CCNYL1: variants seen among roughly 807,000 people sequenced by gnomAD.
CCNYL1 encodes cyclin Y like 1, also known as cyclin-Y-like protein 1.
CCNYL1 carries 16 observed loss-of-function variants against 44.2 expected under a neutral mutation model. The observed-to-expected ratio is 0.36, with a 90% confidence interval of 0.25 to 0.55. CCNYL1 has a LOEUF of 0.55. CCNYL1 is among the 20% of genes least tolerant of loss of function. CCNYL1 has a pLI of 0.85. For missense variants in CCNYL1, 348 were observed against 451.8 expected (o/e 0.77, Z 2.08); for synonymous variants, 159 against 163.2 (o/e 0.97, Z 0.20).
intron 1 of CCNYL1, among the ~76,000 whole-genome samples, chr2:207,717,618 T>C (rs1195923422): frequency 1.3e-5 from 2 of 152,184 alleles, no homozygotes; most frequent in Non-Finnish European, 2.9e-5. Context: ...ATGGCTGCTC[T>C]CCTTACGTGA....
intron 1 of CCNYL1, among the ~76,000 whole-genome samples, chr2:207,721,744 T>C (rs192683788): frequency 6.6e-6 from 1 of 151,968 alleles, no homozygotes; most frequent in Admixed American, 6.5e-5. Flanking sequence ...GTTTTTTTTT[T>C]TTTTGTTTTG....
intron 5 of CCNYL1, among the ~76,000 whole-genome samples, chr2:207,740,253 G>C (rs1392225751): frequency 6.6e-6 from 1 of 152,188 alleles, no homozygotes; most frequent in East Asian, 1.9e-4. Flanking sequence ...GAAAGGAAAA[G>C]CCTGGGAAAT....
chr2:207,745,141 C>T (rs1377431805), intron 7 of CCNYL1, among the ~76,000 whole-genome samples: 1 of 152,014 alleles, frequency 6.6e-6, no homozygotes, highest in Admixed American at 6.6e-5. Flanking sequence ...GAAGCTGACA[C>T]CAGGACATGA....
At chr2:207,730,515 T>C (rs1299157791) in intron 3 of CCNYL1, among the ~76,000 whole-genome samples, 1 of 152,188 alleles carries the variant, frequency 6.6e-6, no homozygotes, top group Non-Finnish European at 1.5e-5. Flanking sequence ...CTCAGCACTT[T>C]GGGAGGCTGA....
Position 207,747,095 on chromosome 2 carries a change from AC to A in CCNYL1, c.690del (p.Asn231ThrfsTer39). On this transcript the variant is annotated frameshift_variant, in exon 8 of 10. Coordinates refer to ENST00000295414, the MANE Select transcript of CCNYL1 (RefSeq NM_001330218.2). LOFTEE classifies it high-confidence loss of function. Reference protein sequence around the residue: ...LTYAEIDICPTNWKRIVLGAI... With the variant: ...LTYAEIDICPXNWKRIVLGAI... Reference sequence around the variant, plus strand: ...TTATGCTGAAATCGACATTTGTCCCACCAACTGGAAAAGGATTGTTCTGGGA... The same window carrying A: ...TTATGCTGAAATCGACATTTGTCCCACAACTGGAAAAGGATTGTTCTGGGA... The A allele has an allele frequency of 6.2e-7, 1 of 1,614,102 alleles. No homozygotes were observed. Among genetic ancestry groups the A allele is most frequent in the Non-Finnish European group, 8.5e-7 (1 of 1,179,984 alleles).
In CCNYL1 at chr2:207,712,007, CG is replaced by C; in HGVS notation, c.115del (p.Asp39ThrfsTer5). ...CASDIYEAVS[G>X]DAVAVAPAVV... The stretch of plus-strand genomic sequence containing the variant: ...CGTCCGACATCTACGAGGCGGTGTC[CG>C]GGGACGCGGTGGCGGTAGCGCCCGC... On this transcript the variant is annotated frameshift_variant, in exon 1 of 10. Coordinates refer to ENST00000295414, the MANE Select transcript of CCNYL1 (RefSeq NM_001330218.2). LOFTEE classifies it high-confidence loss of function. 1 of 1,479,194 alleles carries C rather than the reference CG, an allele frequency of 6.8e-7. No individual in the cohort carries two copies. Among genetic ancestry groups the C allele is most frequent in the Non-Finnish European group, 9.0e-7 (1 of 1,114,040 alleles). The allele number at this position is 1,479,194 out of a possible 1,614,324, so 91.6% of individuals were successfully genotyped here. A position where few individuals can be genotyped will look rare whatever the true frequency, so the allele number is the denominator to read the frequency against.
chr2:207,736,769 A>G (rs2091767378), intron 4 of CCNYL1, among the ~76,000 whole-genome samples: 1 of 152,214 alleles, frequency 6.6e-6, no homozygotes, highest in Non-Finnish European at 1.5e-5. Context: ...CCAAAAAACC[A>G]AATAGTTTAA....
chr2:207,742,267 C>G lies in CCNYL1; in HGVS notation c.564C>G (p.His188Gln). ...AATACTTTAAGCATGATCCTGAGCA[C>G]AAATTTATTTACAGATTTGTTCGTA... ...PEEYFKHDPE[H>Q]KFIYRFVRTL... Residue 188 changes from histidine to glutamine, a missense_variant, in exon 7 of 10, where the codon CAC (histidine) becomes CAG (glutamine). His to Gln is a conservative substitution (Grantham distance 24). This residue lies in a region of CCNYL1 where 209 missense variants were observed against 247.7 expected (regional missense o/e 0.84). Transcript: ENST00000295414. 6.2e-7 allele frequency: 1 copy of G among 1,612,646 alleles called. No homozygotes were observed. The highest frequency in any genetic ancestry group is 2.2e-5 in the East Asian group (1 of 44,858).
chr2:207,720,137 G>A (rs12993328), intron 1 of CCNYL1, among the ~76,000 whole-genome samples: 1 of 131,410 alleles, frequency 7.6e-6, no homozygotes, highest in Non-Finnish European at 1.5e-5. Context: ...GCAGTGAGCC[G>A]AGATCATGCC....
At position 207,733,929 on chromosome 2, in the gene CCNYL1, A is replaced by G. The variant is rs2091746783; in HGVS notation, c.331-18A>G. 3.3e-6 allele frequency: 5 copies of G among 1,517,114 alleles called. No homozygotes were observed. Among genetic ancestry groups the G allele is most frequent in the Non-Finnish European group, 3.7e-6 (4 of 1,095,546 alleles). 94.0% of individuals were successfully genotyped at this position (1,517,114 alleles called of 1,614,324 possible). A position where few individuals can be genotyped will look rare whatever the true frequency, so the allele number is the denominator to read the frequency against. ...TTAACTTACTGTGACATTTTCTTCT[A>G]TTTCCCTTCCCCTTCAGGTATCTCC... is the stretch of plus-strand genomic sequence containing the variant. On this transcript the variant is annotated intron_variant, in intron 3 of 9. Coordinates refer to ENST00000295414, the MANE Select transcript of CCNYL1 (RefSeq NM_001330218.2).
At chr2:207,723,775 T>G (rs2091659006) in intron 1 of CCNYL1, among the ~76,000 whole-genome samples, 1 of 148,940 alleles carries the variant, frequency 6.7e-6, no homozygotes, top group Admixed American at 6.9e-5. Flanking sequence ...TTTGGGATAC[T>G]GAGGCAGGAG....
chr2:207,734,498 C>T (rs1453227470), intron 4 of CCNYL1, among the ~76,000 whole-genome samples: 9 of 152,234 alleles, frequency 5.9e-5, no homozygotes, highest in Admixed American at 5.2e-4. Context: ...TTTTCCCTGT[C>T]GTGCATGAGC....
intron 1 of CCNYL1, among the ~76,000 whole-genome samples, chr2:207,718,051 C>T (rs1192286837): frequency 6.6e-6 from 1 of 151,766 alleles, no homozygotes; most frequent in African/African-American, 2.4e-5. Flanking sequence ...GCTACAAGCA[C>T]GTGCCACCAC....
chr2:207,753,919 G>T lies in CCNYL1; in HGVS notation c.*221G>T. The T allele has an allele frequency of 1.7e-5, 7 of 408,830 alleles. No individual in the cohort carries two copies. The highest frequency in any genetic ancestry group is 1.3e-5 in the Non-Finnish European group (3 of 228,692). 25.3% of individuals were successfully genotyped at this position (408,830 alleles called of 1,614,324 possible). On this transcript the variant is annotated 3_prime_UTR_variant, in exon 10 of 10. Coordinates refer to ENST00000295414, the MANE Select transcript of CCNYL1 (RefSeq NM_001330218.2). The stretch of plus-strand genomic sequence containing the variant: ...TTCTGTCCTTTTTAATGTAAACAGA[G>T]TTACAAAAACCACTCCAAAGTGAAG...
intron 1 of CCNYL1, among the ~76,000 whole-genome samples, chr2:207,718,159 C>T (rs1422944962): frequency 6.6e-6 from 1 of 152,146 alleles, no homozygotes; most frequent in East Asian, 1.9e-4. Context: ...CCACCCTGGC[C>T]TCCCAAGGTG....
intron 3 of CCNYL1, among the ~76,000 whole-genome samples, chr2:207,729,796 A>AC (rs1255638770): frequency 6.6e-6 from 1 of 151,330 alleles, no homozygotes; most frequent in African/African-American, 2.4e-5. Flanking sequence ...CCAAGATGCA[A>AC]CCTCTTCCTC....
chr2:207,740,239 A>T (rs1390635337), intron 5 of CCNYL1, among the ~76,000 whole-genome samples: 1 of 152,262 alleles, frequency 6.6e-6, no homozygotes, highest in Non-Finnish European at 1.5e-5. Context: ...AATACGGAGA[A>T]CTAGAAAGGA....
chr2:207,738,653 C>T (rs1293788880), intron 5 of CCNYL1, among the ~76,000 whole-genome samples: 1 of 152,104 alleles, frequency 6.6e-6, no homozygotes, highest in African/African-American at 2.4e-5. Context: ...TATCATTTCC[C>T]CTTACTTGGT....
chr2:207,738,499 G>A (rs1264503167), intron 5 of CCNYL1, among the ~76,000 whole-genome samples: 1 of 152,080 alleles, frequency 6.6e-6, no homozygotes, highest in Non-Finnish European at 1.5e-5. Flanking sequence ...GGGATTACAG[G>A]CATGAGCCAC....
Sources: gnomAD v4.1 joint callset for allele counts (sites outside exome capture counted in the v4.1 genomes callset) on GRCh38, gnomAD v4.1.1 for gene constraint, gnomAD v4.1.1 regional missense constraint, MANE v1.5 for transcripts, NCBI Gene and HGNC (gene_info 2026-07-23, HGNC 2026-07-21) for gene names.